Variants in ROS1 observed in about 807,000 individuals in gnomAD.
The protein encoded by ROS1 is ROS proto-oncogene 1, receptor tyrosine kinase.
ROS1 carries 263 observed loss-of-function variants against 273.5 expected under a neutral mutation model. That is an observed-to-expected ratio of 0.96 (90% CI 0.87 to 1.06). The LOEUF is 1.06. ROS1 is among the 50% of genes least tolerant of loss of function. The pLI is 0.00. For synonymous variants in ROS1, 1,008 were observed against 954.1 expected (o/e 1.06, Z -1.04); for missense variants, 2,833 against 2,751.1 (o/e 1.03, Z -0.67).
chr6:117,347,953 G>T (rs1381914109), intron 27 of ROS1, among the ~76,000 whole-genome samples: 1 of 151,962 alleles, frequency 6.6e-6, no homozygotes, highest in Non-Finnish European at 1.5e-5. Context: ...TTAATATATT[G>T]CTCGATTTGA....
At chr6:117,321,593 C>T (rs747839186) in intron 35 of ROS1, among the ~76,000 whole-genome samples, 199 bp from the exon 36 acceptor site, 1 of 152,058 alleles carries the variant, frequency 6.6e-6, no homozygotes, top group African/African-American at 2.4e-5. Context: ...TATAAGTACA[C>T]AAATCATACT....
At chr6:117,368,151 A>G (rs554408200) in intron 18 of ROS1, among the ~76,000 whole-genome samples, 9 of 152,230 alleles carry the variant, frequency 5.9e-5, no homozygotes, top group African/African-American at 2.2e-4. Context: ...TTTCCCCTCA[A>G]TGGAAGGAAA....
chr6:117,326,172 T>C, intron 34 of ROS1, 52 bp downstream of exon 34: 1 of 1,011,468 alleles, frequency 9.9e-7, no homozygotes. Context: ...CTGATATTTA[T>C]TACTGAACCT....
chr6:117,402,240 C>G (rs371160562), intron 7 of ROS1, among the ~76,000 whole-genome samples: 1 of 152,160 alleles, frequency 6.6e-6, no homozygotes, highest in Non-Finnish European at 1.5e-5. Flanking sequence ...TGTTCAGCCA[C>G]GTGGGCCTTC....
At chr6:117,368,847 C>T (rs538163123) in intron 18 of ROS1, among the ~76,000 whole-genome samples, 22 of 151,638 alleles carry the variant, frequency 1.5e-4, no homozygotes, top group Middle Eastern at 6.8e-3. Flanking sequence ...ACAAACAGAA[C>T]GTCCAAGAAT....
Position 117,288,632 on chromosome 6 carries a change from G to A in ROS1, c.6886C>T (p.Leu2296=), listed in dbSNP as rs1773599085. The change falls in exon 44 of 44, where the codon CTG becomes TTG. Residue 2296 remains leucine, a synonymous_variant. Coordinates refer to ENST00000368507, the MANE Select transcript of ROS1 (RefSeq NM_001378902.1). ...TGTGGTTCCTTCTCTTCTTTCCTCA[G>A]ACCACAAGATTCAGATTCCTGGGAG... ...LGSQESESCG[L]RKEEKEPHAD... 6.2e-7 allele frequency: 1 copy of A among 1,614,040 alleles called. No homozygotes were observed. The highest frequency in any genetic ancestry group is 8.5e-7 in the Non-Finnish European group (1 of 1,180,010).
chr6:117,361,812 A>G (rs1755946034), intron 22 of ROS1, among the ~76,000 whole-genome samples: 1 of 151,966 alleles, frequency 6.6e-6, no homozygotes, highest in Non-Finnish European at 1.5e-5. Context: ...TATTTTCCCC[A>G]AAAAGAAATG....
intron 6 of ROS1, 137 bp downstream of exon 6, chr6:117,404,143 C>A (rs1313305493): frequency 2.6e-6 from 2 of 776,502 alleles, no homozygotes; most frequent in African/African-American, 3.6e-5. Flanking sequence ...ATGGTGTGAA[C>A]CCAAGAGGCG....
At chr6:117,424,867 G>C (rs1012927086) in intron 1 of ROS1, among the ~76,000 whole-genome samples, 2 of 152,136 alleles carry the variant, frequency 1.3e-5, no homozygotes, top group Non-Finnish European at 2.9e-5. Flanking sequence ...GACAGGAAGA[G>C]TGCATTTTCT....
chr6:117,385,718 C>T lies in ROS1; in HGVS notation c.2254G>A (p.Gly752Ser). ...TTTCCAGCCCAGTAGAGAAAGTGAC[C>T]CAGCCACTCAAAAGCTAAAGCCCCT... ...GAGALAFEWL[G>S]HFLYWAGKTY... The change falls in exon 16 of 44, where the codon GGT (glycine) becomes AGT (serine). Residue 752 changes from glycine (G) to serine (S), a missense_variant. Physicochemically the swap from Gly to Ser is moderately conservative, Grantham distance 56. Coordinates refer to ENST00000368507, the MANE Select transcript of ROS1 (RefSeq NM_001378902.1). 6.2e-7 allele frequency: 1 copy of T among 1,613,978 alleles called. No homozygotes were observed. The highest frequency in any genetic ancestry group is 8.5e-7 in the Non-Finnish European group (1 of 1,180,002).
rs147277840 is a variant in ROS1, at chr6:117,317,148, C to T, written c.6112G>A (p.Ala2038Thr). 2.4e-5 allele frequency: 38 copies of T among 1,611,334 alleles called. No homozygotes were observed. Among genetic ancestry groups the T allele is most frequent in the Middle Eastern group, 1.6e-4 (1 of 6,062 alleles). Residue 2038 changes from alanine (A) to threonine (T), a missense_variant, in exon 39 of 44, where the codon GCA becomes ACA. Coordinates refer to ENST00000368507, the MANE Select transcript of ROS1 (RefSeq NM_001378902.1). ...TATGGATCCCAACTGCCTACCGTTG[C>T]CATCCGGGCTTTACGCAAATAAGTA... ...LLTYLRKARM[A>T]TFYGPLLTLV...
intron 24 of ROS1, 55 bp downstream of exon 24, chr6:117,359,754 G>A (rs2128648197): frequency 7.2e-7 from 1 of 1,397,244 alleles, no homozygotes; most frequent in East Asian, 2.3e-5. Context: ...ACAAAGTAGT[G>A]TCATATGCAA....
At chr6:117,379,933 T>C (rs1179760060) in intron 17 of ROS1, among the ~76,000 whole-genome samples, 1 of 152,138 alleles carries the variant, frequency 6.6e-6, no homozygotes, top group African/African-American at 2.4e-5. Flanking sequence ...TACTACTCTT[T>C]GCTTTCTTGT....
chr6:117,314,014 A>G (rs868187986), intron 39 of ROS1, among the ~76,000 whole-genome samples: 1 of 152,160 alleles, frequency 6.6e-6, no homozygotes, highest in Non-Finnish European at 1.5e-5. Context: ...TATAAGCATT[A>G]GGATCCTGGG....
At chr6:117,310,043 G>T (rs2128547776) in intron 41 of ROS1, 38 bp downstream of exon 41, 1 of 1,536,962 alleles carries the variant, frequency 6.5e-7, no homozygotes, top group Non-Finnish European at 9.0e-7. Context: ...AATGTTTGAT[G>T]ATTCTGTCAG....
intron 33 of ROS1, among the ~76,000 whole-genome samples, chr6:117,328,001 C>G (rs1023533681): frequency 6.6e-6 from 1 of 152,168 alleles, no homozygotes; most frequent in Admixed American, 6.5e-5. Context: ...CCCGCTGATA[C>G]GTTGGTTTCA....
intron 11 of ROS1, 125 bp from the exon 12 acceptor site, chr6:117,393,446 C>T: frequency 1.6e-6 from 1 of 636,194 alleles, no homozygotes; most frequent in Non-Finnish European, 2.7e-6. Context: ...CTGCCCAAGA[C>T]AAATGAGCAA....
In ROS1 at chr6:117,374,460, T is replaced by G. The variant is rs1252617831; in HGVS notation, c.2582+4599A>C. On this transcript the variant is annotated intron_variant, in intron 18 of 43. Transcript: ENST00000368507. ...GAAACTGGATCCTCATCTCTTGCCT[T>G]ATACAAAAATCAACTCAAGATGGAT... Among the ~76,000 whole-genome samples, 3 of 152,316 alleles carry G rather than the reference T, an allele frequency of 2.0e-5. No individual in the cohort carries two copies. In the East Asian group the frequency reaches 5.8e-4, roughly 29 times the overall value.
At position 117,288,168 on chromosome 6, in the gene ROS1, C is replaced by T; in HGVS notation, c.*324G>A. ...TGTGGCCAAGATATTTTTATTACAG[C>T]CCAAACTGAAAGGTGGGTAAGAGCC... On this transcript the variant is annotated 3_prime_UTR_variant, in exon 44 of 44. Transcript: ENST00000368507. 1 of 343,276 alleles carries T rather than the reference C, an allele frequency of 2.9e-6. No homozygotes were observed. Among genetic ancestry groups the T allele is most frequent in the East Asian group, 4.8e-5 (1 of 20,802 alleles). 21.3% of individuals were successfully genotyped at this position (343,276 alleles called of 1,614,324 possible). A position where few individuals can be genotyped will look rare whatever the true frequency, so the allele number is the denominator to read the frequency against.
Sources: gnomAD v4.1 joint callset for allele counts (sites outside exome capture counted in the v4.1 genomes callset) on GRCh38, gnomAD v4.1.1 for gene constraint, MANE v1.5 for transcripts, NCBI Gene and HGNC (gene_info 2026-07-23, HGNC 2026-07-21) for gene names.